The following MEGF11 variants were observed in gnomAD, a reference collection of about 807,000 sequenced individuals.
The protein encoded by MEGF11 is multiple epidermal growth factor-like domains protein 11.
In MEGF11, 126 loss-of-function variants were observed where a neutral mutation model predicts 146.6. The observed-to-expected ratio is 0.86, with a 90% confidence interval of 0.74 to 1.00. MEGF11 has a LOEUF of 1.00. Ranked by LOEUF, MEGF11 falls within the 50% of genes least tolerant of loss-of-function variation. The pLI is 0.00. For missense variants in MEGF11, 1,509 were observed against 1,521.2 expected (o/e 0.99, Z 0.13); for synonymous variants, 532 against 583.4 (o/e 0.91, Z 1.27).
chr15:66,045,972 A>G (rs1189086590), intron 5 of MEGF11, among the ~76,000 whole-genome samples: 2 of 152,046 alleles, frequency 1.3e-5, no homozygotes, highest in Non-Finnish European at 1.5e-5. Context: ...GTGTGGTGGT[A>G]TGCACCTGTA....
Position 66,237,836 on chromosome 15 carries a change from G to A in MEGF11, c.-9+15769C>T, listed in dbSNP as rs536932599. Among the ~76,000 whole-genome samples, 4 of 152,264 alleles carry A rather than the reference G, an allele frequency of 2.6e-5. No individual in the cohort carries two copies. In the South Asian group the frequency reaches 8.3e-4, roughly 32 times the overall value. ...CAATAAATCAATCTTTTATCTAGGT[G>A]GGAATAAATTATAACAGGAAGCTTT... On this transcript the variant is annotated intron_variant, in intron 1 of 25. Transcript: ENST00000395614.
chr15:65,922,867 C>T lies in MEGF11; in HGVS notation c.1778G>A (p.Ser593Asn), dbSNP rs2079224197. 3.7e-6 allele frequency: 6 copies of T among 1,613,692 alleles called. No individual in the cohort carries two copies. The East Asian group carries it at 1.3e-4, about 36-fold the overall frequency. ...NGGSCSPEDG[S>N]CECAPGFRGP... ...TCGGAAGCCAGGGGCACACTCGCAG[C>T]TCCCATCCTCTGGGGAGCAGGAGCC... The change falls in exon 14 of 26, where the codon AGC becomes AAC. Residue 593 changes from serine to asparagine, a missense_variant. Coordinates refer to ENST00000395614, the MANE Select transcript of MEGF11 (RefSeq NM_001385028.1).
intron 10 of MEGF11, among the ~76,000 whole-genome samples, chr15:65,943,112 G>A (rs2080067575): frequency 1.3e-5 from 2 of 149,570 alleles, no homozygotes; most frequent in Admixed American, 1.4e-4. Flanking sequence ...TCAGCCTCCC[G>A]AGTAGCTGGG....
At position 66,128,407 on chromosome 15, in the gene MEGF11, G is replaced by A. The variant is rs1043061030; in HGVS notation, c.-4C>T. ...GCCCCGTCAGGGAGAGCACCATCCC[G>A]GGCCCTGCACAGGAGAACAAAGGAG... is the stretch of plus-strand genomic sequence containing the variant. On this transcript the variant is annotated 5_prime_UTR_variant, in exon 2 of 26. Transcript: ENST00000395614. 13 of 1,487,466 alleles carry A rather than the reference G, an allele frequency of 8.7e-6. No individual in the cohort carries two copies. The highest frequency in any genetic ancestry group is 2.4e-5 in the Admixed American group (1 of 41,530). The allele number at this position is 1,487,466 out of a possible 1,614,324, so 92.1% of individuals were successfully genotyped here. A position where few individuals can be genotyped will look rare whatever the true frequency, so the allele number is the denominator to read the frequency against.
chr15:66,025,386 A>G (rs1004614260), intron 5 of MEGF11, among the ~76,000 whole-genome samples: 2 of 151,954 alleles, frequency 1.3e-5, no homozygotes, highest in African/African-American at 4.8e-5. Context: ...AGTCAGCCTG[A>G]GGCAGGGAGG....
intron 1 of MEGF11, among the ~76,000 whole-genome samples, chr15:66,223,879 C>T (rs2091789836): frequency 6.6e-6 from 1 of 152,156 alleles, no homozygotes; most frequent in South Asian, 2.1e-4. Flanking sequence ...AAGGACTGAG[C>T]CCCAGTGGCC....
intron 4 of MEGF11, among the ~76,000 whole-genome samples, chr15:66,110,750 G>C (rs1353573645): frequency 6.6e-6 from 1 of 152,144 alleles, no homozygotes; most frequent in African/African-American, 2.4e-5. Context: ...CCTCTTAGAG[G>C]TTTAGCAGGG....
chr15:66,085,776 C>A (rs537940166), intron 5 of MEGF11, among the ~76,000 whole-genome samples: 1 of 152,280 alleles, frequency 6.6e-6, no homozygotes, highest in Non-Finnish European at 1.5e-5. Flanking sequence ...CTCTTCAACA[C>A]CCCTAAAAAA....
chr15:66,135,446 G>T (rs1179124223), intron 1 of MEGF11, among the ~76,000 whole-genome samples: 4 of 152,174 alleles, frequency 2.6e-5, no homozygotes, highest in African/African-American at 7.2e-5. Context: ...CCTGCCCCAA[G>T]CCCCTGAACA....
At chr15:66,206,719 T>A (rs1382603081) in intron 1 of MEGF11, among the ~76,000 whole-genome samples, 1 of 151,782 alleles carries the variant, frequency 6.6e-6, no homozygotes, top group Non-Finnish European at 1.5e-5. Flanking sequence ...GGCAACATAG[T>A]GAAACCCCGT....
intron 5 of MEGF11, among the ~76,000 whole-genome samples, chr15:66,056,414 T>C (rs2084676691): frequency 6.6e-6 from 1 of 152,154 alleles, no homozygotes; most frequent in Admixed American, 6.5e-5. Flanking sequence ...GTAGATATAG[T>C]GCTCAGCCCT....
At chr15:66,053,616 G>T (rs1271812415) in intron 5 of MEGF11, among the ~76,000 whole-genome samples, 1 of 151,626 alleles carries the variant, frequency 6.6e-6, no homozygotes, top group Non-Finnish European at 1.5e-5. Flanking sequence ...CCTGCTCATG[G>T]AGACATGGCC....
At chr15:66,144,114 C>G (rs191651146) in intron 1 of MEGF11, among the ~76,000 whole-genome samples, 1 of 152,186 alleles carries the variant, frequency 6.6e-6, no homozygotes, top group Non-Finnish European at 1.5e-5. Flanking sequence ...CCAGCACACA[C>G]GGACACTAAG....
At chr15:65,955,823 A>AATATATATAAATAAATATATATATATAT (rs71139451) in intron 10 of MEGF11, among the ~76,000 whole-genome samples, 2 of 40,204 alleles carry the variant, frequency 5.0e-5, no homozygotes, top group East Asian at 5.9e-4. Flanking sequence ...CAATACTTTA[A>AATATATATAAATAAATATATATATATAT]ATATATAACA....
Position 65,982,881 on chromosome 15 carries a change from C to G in MEGF11, c.395-393G>C, listed in dbSNP as rs2081708718. Among the ~76,000 whole-genome samples the G allele has an allele frequency of 6.6e-6, 1 of 151,982 alleles. No individual in the cohort carries two copies. The highest frequency in any genetic ancestry group is 2.4e-5 in the African/African-American group (1 of 41,352). On this transcript the variant is annotated intron_variant, in intron 5 of 25. Coordinates refer to ENST00000395614, the MANE Select transcript of MEGF11 (RefSeq NM_001385028.1). The surrounding 1 kb of genome is among the most constrained non-coding windows in gnomAD (Gnocchi z 5.6). The stretch of plus-strand genomic sequence containing the variant: ...TGTTTCTGTTCCTTTCTGCCGGGCC[C>G]TTTCTTTTCCCATCTGCCACCCCTC...
chr15:66,176,886 A>G (rs1597136607), intron 1 of MEGF11, among the ~76,000 whole-genome samples: 1 of 112,700 alleles, frequency 8.9e-6, no homozygotes, highest in Admixed American at 1.1e-4. Flanking sequence ...TCAAGCTAAC[A>G]ATCATCTGGC....
intron 5 of MEGF11, among the ~76,000 whole-genome samples, chr15:66,031,502 A>G (rs1228801203): frequency 6.6e-6 from 1 of 152,172 alleles, no homozygotes; most frequent in African/African-American, 2.4e-5. Context: ...TCAGAGGTGG[A>G]GCACAGGATA....
At chr15:66,050,615 G>A (rs547490209) in intron 5 of MEGF11, among the ~76,000 whole-genome samples, 2 of 152,336 alleles carry the variant, frequency 1.3e-5, no homozygotes, top group African/African-American at 2.4e-5. Flanking sequence ...GGGAGCCATC[G>A]GAGGCCTGGC....
intron 1 of MEGF11, among the ~76,000 whole-genome samples, chr15:66,236,518 C>A (rs2092095312): frequency 6.6e-6 from 1 of 152,192 alleles, no homozygotes. Context: ...TCTGGGGGCA[C>A]AGGCTGGGTC....
Sources: allele counts gnomAD v4.1 joint callset (sites outside exome capture counted in the v4.1 genomes callset), GRCh38; gene constraint gnomAD v4.1.1; non-coding constraint Gnocchi (gnomAD v3.1); transcripts MANE v1.5; gene names NCBI Gene and HGNC (gene_info 2026-07-23, HGNC 2026-07-21).